PCED1B: variants seen among roughly 807,000 people sequenced by gnomAD.
The protein encoded by PCED1B is PC-esterase domain containing 1B.
For missense variants in PCED1B, 573 were observed against 573.9 expected (o/e 1.00, Z 0.02); for synonymous variants, 251 against 246.1 (o/e 1.02, Z -0.19).
At position 47,217,430 on chromosome 12, in the gene PCED1B, GA is replaced by G. The variant is rs200369250; in HGVS notation, c.-58+750del. On this transcript the variant is annotated intron_variant, in intron 3 of 3. Coordinates refer to ENST00000546455, the MANE Select transcript of PCED1B (RefSeq NM_138371.3). ...GAGAGAGAGAGAGACAGAGAAAGAA[GA>G]AAAAAAAAGAAAGAAAGAAAGAAAG... Among the ~76,000 whole-genome samples, 37 of 57,772 alleles carry G rather than the reference GA, an allele frequency of 6.4e-4. 1 individual carries two copies. The highest frequency in any genetic ancestry group is 2.3e-3 in the African/African-American group (32 of 13,640). 37.9% of individuals were successfully genotyped at this position (57,772 alleles called of 152,430 possible). A position where few individuals can be genotyped will look rare whatever the true frequency, so the allele number is the denominator to read the frequency against.
intron 2 of PCED1B, among the ~76,000 whole-genome samples, chr12:47,126,900 C>T (rs1460953162): frequency 6.6e-5 from 10 of 152,034 alleles, no homozygotes. Context: ...TCTTCTTTTT[C>T]GTTGTTTTGG....
At chr12:47,178,020 A>C (rs1429939024) in intron 2 of PCED1B, among the ~76,000 whole-genome samples, 1 of 152,104 alleles carries the variant, frequency 6.6e-6, no homozygotes, top group Admixed American at 6.5e-5. Context: ...GGGAGACTTT[A>C]AGGTTCTAGG....
chr12:47,152,175 T>G (rs890754171), intron 2 of PCED1B, among the ~76,000 whole-genome samples: 1 of 152,144 alleles, frequency 6.6e-6, no homozygotes, highest in Non-Finnish European at 1.5e-5. Flanking sequence ...TGATGAGAAA[T>G]AGGATATTTG....
chr12:47,181,373 AT>A (rs61594383), intron 2 of PCED1B, among the ~76,000 whole-genome samples: 1,933 of 145,198 alleles, frequency 0.013, 19 homozygotes, highest in African/African-American at 0.027. Context: ...TTCTTTCATT[AT>A]TTTTTTTTTT....
At position 47,170,519 on chromosome 12, in the gene PCED1B, G is replaced by A. The variant is rs574682641; in HGVS notation, c.-525-45703G>A. 2.8e-4 allele frequency among the ~76,000 whole-genome samples: 42 copies of A among 148,996 alleles called. No homozygotes were observed. In the South Asian group the frequency reaches 8.0e-3, roughly 28 times the overall value. On this transcript the variant is annotated intron_variant, in intron 2 of 3. Coordinates refer to ENST00000546455, the MANE Select transcript of PCED1B (RefSeq NM_138371.3). ...GATGGGGCGGCGGCCGGGCGGAGGC[G>A]CCCCCCACCTCCCTCCCGGATATTA...
At chr12:47,195,519 T>C (rs866965146) in intron 2 of PCED1B, among the ~76,000 whole-genome samples, 33 of 152,200 alleles carry the variant, frequency 2.2e-4, no homozygotes, top group African/African-American at 7.5e-4. Flanking sequence ...CCTCTGATTA[T>C]CTTTCTAAAT....
intron 3 of PCED1B, among the ~76,000 whole-genome samples, chr12:47,218,669 CTTT>C (rs59140565): frequency 5.5e-5 from 7 of 128,388 alleles, no homozygotes; most frequent in Non-Finnish European, 8.1e-5. Flanking sequence ...AATTTTTTTT[CTTT>C]TTTTTTTTTT....
chr12:47,130,684 G>A (rs1475256857), intron 2 of PCED1B, among the ~76,000 whole-genome samples: 1 of 152,064 alleles, frequency 6.6e-6, no homozygotes, highest in Non-Finnish European at 1.5e-5. Context: ...GTAAGATCCT[G>A]CCTCTAGAAA....
At chr12:47,139,135 G>A (rs141148328) in intron 2 of PCED1B, among the ~76,000 whole-genome samples, 7 of 152,194 alleles carry the variant, frequency 4.6e-5, no homozygotes, top group Non-Finnish European at 1.0e-4. Flanking sequence ...AGGTACTTAC[G>A]AAATATATGC....
intron 2 of PCED1B, among the ~76,000 whole-genome samples, chr12:47,110,801 A>T (rs1939160181): frequency 6.6e-6 from 1 of 152,178 alleles, no homozygotes; most frequent in Admixed American, 6.5e-5. Context: ...GTGATTATTG[A>T]TCAGGTTCTT....
intron 2 of PCED1B, among the ~76,000 whole-genome samples, chr12:47,141,071 T>C (rs543614388): frequency 1.3e-5 from 2 of 152,324 alleles, no homozygotes; most frequent in South Asian, 2.1e-4. Context: ...TCATTTCAGC[T>C]GTGCAAGCAG....
At chr12:47,159,456 A>G (rs1405593937) in intron 2 of PCED1B, among the ~76,000 whole-genome samples, 1 of 152,018 alleles carries the variant, frequency 6.6e-6, no homozygotes, top group African/African-American at 2.4e-5. Context: ...GGATGAGATG[A>G]TATCTCATTG....
At chr12:47,144,671 A>C (rs1297744730) in intron 2 of PCED1B, among the ~76,000 whole-genome samples, 1 of 152,224 alleles carries the variant, frequency 6.6e-6, no homozygotes, top group African/African-American at 2.4e-5. Flanking sequence ...CCAAGGGAAC[A>C]CAATGGTAAC....
intron 1 of PCED1B, chr12:47,080,004 A>C (rs1457591737): frequency 1.3e-5 from 2 of 151,754 alleles, no homozygotes; most frequent in African/African-American, 4.8e-5. Flanking sequence ...CGCGATGCGG[A>C]GGGGGCGGCG....
chr12:47,136,225 T>G (rs560310042), intron 2 of PCED1B, among the ~76,000 whole-genome samples: 1 of 152,316 alleles, frequency 6.6e-6, no homozygotes, highest in South Asian at 2.1e-4. Context: ...TTGCCCATTT[T>G]TCTATTGATT....
intron 1 of PCED1B, among the ~76,000 whole-genome samples, chr12:47,094,509 C>T (rs910054696): frequency 6.0e-5 from 9 of 150,304 alleles, no homozygotes; most frequent in Non-Finnish European, 8.9e-5. Context: ...TTCTTTTTTT[C>T]GCCCTCTCTT....
At chr12:47,090,484 C>T (rs1353549247) in intron 1 of PCED1B, among the ~76,000 whole-genome samples, 1 of 152,162 alleles carries the variant, frequency 6.6e-6, no homozygotes, top group East Asian at 1.9e-4. Context: ...AATCATGAGG[C>T]AAGAATCATG....
At chr12:47,148,918 C>T (rs879334724) in intron 2 of PCED1B, among the ~76,000 whole-genome samples, 1 of 152,168 alleles carries the variant, frequency 6.6e-6, no homozygotes, top group Non-Finnish European at 1.5e-5. Flanking sequence ...TGGGATTTTA[C>T]AAAATTAGCA....
intron 2 of PCED1B, among the ~76,000 whole-genome samples, chr12:47,108,258 T>C (rs1428085640): frequency 1.3e-5 from 2 of 152,176 alleles, no homozygotes; most frequent in East Asian, 3.9e-4. Flanking sequence ...ACAGGGAAAG[T>C]AGCCTGAGTG....
Sources: gnomAD v4.1 joint callset for allele counts (sites outside exome capture counted in the v4.1 genomes callset) on GRCh38, gnomAD v4.1.1 for gene constraint, MANE v1.5 for transcripts, NCBI Gene and HGNC (gene_info 2026-07-23, HGNC 2026-07-21) for gene names.